Variants in CDK11B observed in about 807,000 individuals in gnomAD.
CDK11B encodes the protein cyclin-dependent kinase 11B.
In CDK11B, 37 loss-of-function variants were observed where a neutral mutation model predicts 84.0. That is an observed-to-expected ratio of 0.44 (90% CI 0.34 to 0.58). CDK11B has a LOEUF of 0.58. Among genes scored for constraint, CDK11B ranks in the 20% least tolerant of loss-of-function variants. CDK11B has a pLI of 0.02. For missense variants in CDK11B, 427 were observed against 834.0 expected (o/e 0.51, Z 6.01); for synonymous variants, 269 against 309.8 (o/e 0.87, Z 1.38).
chr1:1,655,716 G>A (rs1447203093), intron 2 of CDK11B, among the ~76,000 whole-genome samples: 1 of 151,768 alleles, frequency 6.6e-6, no homozygotes, highest in East Asian at 1.9e-4. Flanking sequence ...GAGGTCAGGA[G>A]CTCGAGACCA....
chr1:1,645,794 C>T (rs1336830152), intron 5 of CDK11B: 1 of 340,160 alleles, frequency 2.9e-6, no homozygotes, highest in Admixed American at 4.4e-5. Flanking sequence ...CTGTATCTTC[C>T]TGCTGTATTG....
At chr1:1,637,632 G>C in intron 13 of CDK11B, 119 bp from the exon 14 acceptor site, 9 of 1,608,432 alleles carry the variant, frequency 5.6e-6, no homozygotes, top group African/African-American at 1.3e-5. Context: ...GCAAATGCTT[G>C]CTTCTGTGTG....
chr1:1,648,576 C>A (rs1223359208), intron 5 of CDK11B, among the ~76,000 whole-genome samples: 1 of 151,420 alleles, frequency 6.6e-6, no homozygotes, highest in Non-Finnish European at 1.5e-5. Flanking sequence ...TCTGTGGACT[C>A]ACTCTGAAGG....
rs1019725041 is a variant in CDK11B, at chr1:1,656,839, A to G, written c.111+536T>C. ...AAACCTTTAATTTGGAAAAATTTCA[A>G]TATCTGTGAAGCATAATAAAGTGAA... On this transcript the variant is annotated intron_variant, in intron 2 of 19. Transcript: ENST00000341832. Among the ~76,000 whole-genome samples, 3 of 152,354 alleles carry G rather than the reference A, an allele frequency of 2.0e-5. No homozygotes were observed. In the South Asian group the frequency reaches 6.2e-4, roughly 32 times the overall value.
At chr1:1,657,662 G>A (rs911815224) in intron 1 of CDK11B, among the ~76,000 whole-genome samples, 164 bp from the exon 2 acceptor site, 8 of 128,140 alleles carry the variant, frequency 6.2e-5, no homozygotes, top group African/African-American at 2.5e-4. Context: ...ACTTTGGGAG[G>A]CCGAGGCGAG....
At chr1:1,645,646 G>T (rs1324316770) in intron 5 of CDK11B, 1 of 341,194 alleles carries the variant, frequency 2.9e-6, no homozygotes, top group Non-Finnish European at 5.7e-6. Flanking sequence ...TCAAAGTGCT[G>T]GGTTTACAGG....
chr1:1,637,589 G>C, intron 13 of CDK11B, 76 bp from the exon 14 acceptor site: 1 of 1,609,188 alleles, frequency 6.2e-7, no homozygotes, highest in Non-Finnish European at 8.5e-7. Flanking sequence ...CAGCTGCTGA[G>C]GGACAGTAAG....
chr1:1,637,871 G>C lies in CDK11B; in HGVS notation c.1355C>G (p.Ala452Gly). 1 of 1,613,626 alleles carries C rather than the reference G, an allele frequency of 6.2e-7. No homozygotes were observed. Among genetic ancestry groups the C allele is most frequent in the Non-Finnish European group, 8.5e-7 (1 of 1,179,644 alleles). Reference protein sequence around the residue: ...AKDKKTDEIVALKRLKMEKEK... With the variant: ...AKDKKTDEIVGLKRLKMEKEK... ...CTTCTCCATCTTCAGCCGCTTTAGA[G>C]CCACAATTTCATCTGTGAAGAAAAT... The change falls in exon 13 of 20, where the codon GCT (alanine) becomes GGT (glycine). Residue 452 changes from alanine (A) to glycine (G), a missense_variant. This residue lies in a region of CDK11B where 24 missense variants were observed against 93.2 expected (regional missense o/e 0.26). Transcript: ENST00000341832.
At chr1:1,639,000 G>A (rs1346933987) in intron 11 of CDK11B, among the ~76,000 whole-genome samples, 4 of 148,888 alleles carry the variant, frequency 2.7e-5, no homozygotes, top group Non-Finnish European at 4.5e-5. Context: ...GAGTGCAATG[G>A]TGAGATCTCG....
chr1:1,650,224 T>A (rs1236683673), intron 4 of CDK11B, among the ~76,000 whole-genome samples: 1 of 124,558 alleles, frequency 8.0e-6, no homozygotes, highest in Admixed American at 8.8e-5. Context: ...GAGCTGAGAT[T>A]GCGCCACTGT....
intron 3 of CDK11B, chr1:1,654,053 C>T (rs1340186345): frequency 2.1e-5 from 9 of 430,382 alleles, no homozygotes; most frequent in East Asian, 7.1e-5. Flanking sequence ...AATCTCAAAG[C>T]GTCATTTAAC....
intron 11 of CDK11B, 49 bp downstream of exon 11, chr1:1,640,228 C>T (rs1640059784): frequency 6.2e-7 from 1 of 1,603,482 alleles, no homozygotes; most frequent in Admixed American, 1.7e-5. Flanking sequence ...CCTGTGGTAA[C>T]TCCGACTGCC....
At position 1,636,804 on chromosome 1, in the gene CDK11B, A is replaced by C. The variant is rs1639376345; in HGVS notation, c.1801-6T>G. On this transcript the variant is annotated splice_region_variant and splice_polypyrimidine_tract_variant and intron_variant, in intron 16 of 19. Transcript: ENST00000341832. Reference sequence around the variant, plus strand: ...TCCACGGCCGTGGAGTATTCCTAAGAGGTCAGGAGAGGTGTTCAGGAGGGC... The same window carrying C: ...TCCACGGCCGTGGAGTATTCCTAAGCGGTCAGGAGAGGTGTTCAGGAGGGC... 2 of 1,613,762 alleles carry C rather than the reference A, an allele frequency of 1.2e-6. No homozygotes were observed. The highest frequency in any genetic ancestry group is 1.1e-5 in the South Asian group (1 of 91,080).
Position 1,649,547 on chromosome 1 carries a change from T to C in CDK11B, c.446A>G (p.Glu149Gly). 6.2e-7 allele frequency: 1 copy of C among 1,603,830 alleles called. No homozygotes were observed. The highest frequency in any genetic ancestry group is 8.5e-7 in the Non-Finnish European group (1 of 1,170,758). The change falls in exon 5 of 20, where the codon GAA becomes GGA. Residue 149 changes from glutamate (E) to glycine (G), a missense_variant. Glu to Gly is a moderately conservative substitution (Grantham distance 98, BLOSUM62 -2). This residue lies in a region of CDK11B where 71 missense variants were observed against 66.2 expected (regional missense o/e 1.07). Coordinates refer to ENST00000341832, the MANE Select transcript of CDK11B (RefSeq NM_033486.3). ...EEQDKARREWERQKRREMARE... is the reference protein window; with the variant it reads ...EEQDKARREWGRQKRREMARE... ...TGCCATCTCCCTTCTCTTCTGTCTT[T>C]CCCATTCCCGGCGAGCTTTATCCTG...
At chr1:1,654,087 T>C (rs902069279) in intron 3 of CDK11B, 3 of 442,714 alleles carry the variant, frequency 6.8e-6, no homozygotes, top group Non-Finnish European at 1.3e-5. Flanking sequence ...GATTTCTGTA[T>C]CACCAAAATT....
chr1:1,655,259 G>C (rs1642592132), intron 3 of CDK11B, 110 bp downstream of exon 3: 1 of 1,341,832 alleles, frequency 7.5e-7, no homozygotes, highest in Non-Finnish European at 9.9e-7. Flanking sequence ...CTAGGAAAGA[G>C]TAAACCTTAA....
intron 14 of CDK11B, 70 bp downstream of exon 14, chr1:1,637,338 T>C (rs374058928): frequency 6.3e-7 from 1 of 1,577,380 alleles, no homozygotes; most frequent in South Asian, 1.1e-5. Flanking sequence ...CCTGCAGCAC[T>C]GTCACCGCGG....
At chr1:1,638,009 C>T in intron 12 of CDK11B, 126 bp from the exon 13 acceptor site, 2 of 1,493,162 alleles carry the variant, frequency 1.3e-6, no homozygotes, top group Non-Finnish European at 1.8e-6. Flanking sequence ...GGGTCTCGTT[C>T]TAGGTGGGGG....
Position 1,655,350 on chromosome 1 carries a change from C to A in CDK11B, c.227+19G>T, listed in dbSNP as rs781004042. The A allele has an allele frequency of 6.8e-6, 11 of 1,612,056 alleles. No homozygotes were observed. The Admixed American group carries it at 1.8e-4, about 27-fold the overall frequency. ...GGGCTGTGTACAGCTGGGTCTTGCACATCTGTACATCCGCTCACCTGTCTT... is the reference window on the plus strand; with the variant it reads ...GGGCTGTGTACAGCTGGGTCTTGCAAATCTGTACATCCGCTCACCTGTCTT... On this transcript the variant is annotated intron_variant, in intron 3 of 19. Coordinates refer to ENST00000341832, the MANE Select transcript of CDK11B (RefSeq NM_033486.3).
Sources: allele counts gnomAD v4.1 joint callset (sites outside exome capture counted in the v4.1 genomes callset), GRCh38; gene constraint gnomAD v4.1.1; regional missense constraint gnomAD v4.1.1; transcripts MANE v1.5; gene names NCBI Gene and HGNC (gene_info 2026-07-23, HGNC 2026-07-21).